The following CACNA1A variants were observed in gnomAD, a reference collection of about 807,000 sequenced individuals.
CACNA1A encodes the protein calcium voltage-gated channel subunit alpha1 A.
In CACNA1A, 57 loss-of-function variants were observed where a neutral mutation model predicts 262.4. The observed-to-expected ratio is 0.22, with a 90% CI of 0.18 to 0.27. The LOEUF is 0.27. CACNA1A is among the 10% of genes least tolerant of loss of function. The pLI, the probability that CACNA1A is intolerant of heterozygous loss-of-function variation, is 1.00. For missense variants in CACNA1A, 2,526 were observed against 3,562.8 expected (o/e 0.71, Z 7.41); for synonymous variants, 1,431 against 1,419.3 (o/e 1.01, Z -0.18).
intron 3 of CACNA1A, among the ~76,000 whole-genome samples, chr19:13,434,111 G>A (rs1191778998): frequency 6.6e-6 from 1 of 152,186 alleles, no homozygotes; most frequent in African/African-American, 2.4e-5. Context: ...AGCCCTAAGG[G>A]CACAGCCTGG....
chr19:13,374,902 C>A (rs2059379765), intron 3 of CACNA1A, among the ~76,000 whole-genome samples: 2 of 152,280 alleles, frequency 1.3e-5, no homozygotes, highest in Middle Eastern at 6.8e-3. Context: ...AACTCCTGGG[C>A]TCAAGGGATC....
chr19:13,432,153 G>C (rs1397156319), intron 3 of CACNA1A, among the ~76,000 whole-genome samples: 1 of 147,602 alleles, frequency 6.8e-6, no homozygotes, highest in African/African-American at 2.5e-5. Flanking sequence ...GTGGCTCAAC[G>C]CTTGTAATCT....
At chr19:13,352,336 G>GGTGAGCCAA (rs1280635714) in intron 6 of CACNA1A, among the ~76,000 whole-genome samples, 1 of 151,306 alleles carries the variant, frequency 6.6e-6, no homozygotes, top group East Asian at 1.9e-4. Flanking sequence ...GAACCCCAGA[G>GGTGAGCCAA]GTGAGCCAAG....
At chr19:13,321,663 T>A (rs899903167) in intron 10 of CACNA1A, among the ~76,000 whole-genome samples, 15 of 151,894 alleles carry the variant, frequency 9.9e-5, no homozygotes, top group Non-Finnish European at 1.8e-4. Flanking sequence ...TATTTGTGTG[T>A]CTGAACATAT....
intron 30 of CACNA1A, among the ~76,000 whole-genome samples, chr19:13,247,946 C>T (rs1287321034): frequency 1.3e-5 from 2 of 152,096 alleles, no homozygotes; most frequent in South Asian, 4.1e-4. Flanking sequence ...ACTCCAATTC[C>T]CTCCCTGTGA....
chr19:13,435,477 G>A (rs185941077), intron 3 of CACNA1A, among the ~76,000 whole-genome samples: 1 of 152,150 alleles, frequency 6.6e-6, no homozygotes, highest in Admixed American at 6.5e-5. Flanking sequence ...TGGGGAAACT[G>A]AGGCTCAGAG....
chr19:13,313,668 A>G (rs995659822), intron 11 of CACNA1A, among the ~76,000 whole-genome samples: 2 of 152,048 alleles, frequency 1.3e-5, no homozygotes, highest in African/African-American at 4.8e-5. Context: ...ATTGCCAAGG[A>G]CTTTTGTGTT....
intron 2 of CACNA1A, among the ~76,000 whole-genome samples, chr19:13,454,003 G>A (rs2060961498): frequency 6.6e-6 from 1 of 151,908 alleles, no homozygotes; most frequent in Non-Finnish European, 1.5e-5. Context: ...CTGTTTCCTG[G>A]TGTACAGCTC....
intron 6 of CACNA1A, among the ~76,000 whole-genome samples, chr19:13,348,210 A>G (rs2058829090): frequency 6.6e-6 from 1 of 152,024 alleles, no homozygotes; most frequent in Admixed American, 6.6e-5. Flanking sequence ...GGCGTGAGCC[A>G]CCACGCCTGG....
intron 1 of CACNA1A, among the ~76,000 whole-genome samples, chr19:13,461,068 G>A (rs13346772): frequency 0.047 from 7,105 of 152,098 alleles, 517 homozygotes; most frequent in African/African-American, 0.16. Flanking sequence ...GGCCTGGTGC[G>A]GTGGCTCACA....
At chr19:13,497,523 T>A (rs60362171) in intron 1 of CACNA1A, among the ~76,000 whole-genome samples, 144 of 1,194 alleles carry the variant, frequency 0.12, 26 homozygotes, top group Admixed American at 0.16. Flanking sequence ...AAAAAAAAAA[T>A]ATATATATAT....
At chr19:13,468,798 AAC>A (rs915032619) in intron 1 of CACNA1A, among the ~76,000 whole-genome samples, 2 of 152,174 alleles carry the variant, frequency 1.3e-5, no homozygotes, top group African/African-American at 4.8e-5. Flanking sequence ...AAATTAAACA[AAC>A]AAATAAAAAA....
At chr19:13,446,409 A>ATG (rs1318459617) in intron 3 of CACNA1A, among the ~76,000 whole-genome samples, 25 of 148,368 alleles carry the variant, frequency 1.7e-4, no homozygotes, top group East Asian at 4.0e-4. Context: ...GGTCTGCATG[A>ATG]TGTGTGTGTG....
chr19:13,345,820 G>A (rs1387537958), intron 6 of CACNA1A, among the ~76,000 whole-genome samples: 1 of 150,832 alleles, frequency 6.6e-6, no homozygotes, highest in African/African-American at 2.4e-5. Context: ...TTTTTTCAGT[G>A]CTCTTTTTCC....
At chr19:13,406,972 T>A (rs57185274) in intron 3 of CACNA1A, among the ~76,000 whole-genome samples, 35,131 of 151,850 alleles carry the variant, frequency 0.23, 9,179 homozygotes, top group African/African-American at 0.64. Flanking sequence ...CACACATGTA[T>A]GCATGTGTAC....
chr19:13,372,142 G>C (rs2059333840), intron 3 of CACNA1A, among the ~76,000 whole-genome samples: 1 of 151,944 alleles, frequency 6.6e-6, no homozygotes, highest in African/African-American at 2.4e-5. Context: ...GACCTTTCGG[G>C]GTTTGTGGCT....
intron 1 of CACNA1A, among the ~76,000 whole-genome samples, chr19:13,496,280 A>C (rs566167766): frequency 3.9e-5 from 6 of 152,352 alleles, no homozygotes; most frequent in African/African-American, 1.2e-4. Context: ...CAATTTGTGT[A>C]AGACCCAAAC....
At chr19:13,497,793 T>C (rs1381809650) in intron 1 of CACNA1A, among the ~76,000 whole-genome samples, 2 of 151,642 alleles carry the variant, frequency 1.3e-5, no homozygotes, top group Non-Finnish European at 2.9e-5. Context: ...AGGATGATTA[T>C]ATATGCCATG....
At chr19:13,373,777 G>A (rs1484509442) in intron 3 of CACNA1A, among the ~76,000 whole-genome samples, 1 of 152,174 alleles carries the variant, frequency 6.6e-6, no homozygotes, top group African/African-American at 2.4e-5. Flanking sequence ...GGCATATTAG[G>A]TTGGGCTGAC....
Sources: gnomAD v4.1 joint callset for allele counts (sites outside exome capture counted in the v4.1 genomes callset) on GRCh38, gnomAD v4.1.1 for gene constraint, MANE v1.5 for transcripts, NCBI Gene and HGNC (gene_info 2026-07-23, HGNC 2026-07-21) for gene names.